PCDHGB3: variants seen among roughly 807,000 people sequenced by gnomAD.
PCDHGB3 encodes the protein protocadherin gamma subfamily B, 3.
Under a neutral mutation model 59.2 loss-of-function variants are expected in PCDHGB3, and 40 were observed. The observed-to-expected ratio is 0.68, with a 90% CI of 0.52 to 0.88. The LOEUF (loss-of-function observed/expected upper bound fraction) is 0.88. PCDHGB3 is among the 40% of genes least tolerant of loss of function. The probability of loss-of-function intolerance (pLI) is 0.00; values close to 1 mark genes in which losing one functional copy is unlikely to be tolerated. For synonymous variants in PCDHGB3, 581 were observed against 503.6 expected, an observed-to-expected ratio of 1.15 and a Z score of -2.06; for missense variants, 1,309 against 1,187.9, an observed-to-expected ratio of 1.10 and a Z score of -1.50.
chr5:141,484,236 G>C (rs1272971014), intron 1 of PCDHGB3, among the ~76,000 whole-genome samples: 2 of 152,132 alleles, frequency 1.3e-5, no homozygotes, highest in Non-Finnish European at 2.9e-5. Context: ...AAGAGATCTG[G>C]TCCTTAGCAC....
intron 1 of PCDHGB3, chr5:141,478,790 C>T: frequency 6.8e-7 from 1 of 1,472,906 alleles, no homozygotes. Flanking sequence ...AATTCACATC[C>T]TCAGCACTCT....
At position 141,489,157 on chromosome 5, in the gene PCDHGB3, C is replaced by A. The variant is rs1222682069; in HGVS notation, c.2416-5650C>A. 1.0e-6 allele frequency: 1 copy of A among 984,444 alleles called. No homozygotes were observed. The highest frequency in any genetic ancestry group is 1.6e-5 in the African/African-American group (1 of 61,296). The allele number at this position is 984,444 out of a possible 1,614,324, so 61.0% of individuals were successfully genotyped here. On this transcript the variant is annotated intron_variant, in intron 1 of 3. Coordinates refer to ENST00000576222, the MANE Select transcript of PCDHGB3 (RefSeq NM_018924.5). This position sits in a 1 kb window ranked among gnomAD's most constrained non-coding sequence, Gnocchi z 4.5. ...AGAGGCTGGAAGGAGACATAAGAGA[C>A]TTCAGCTGCTGCATTCCAAGCCCTG...
chr5:141,503,960 T>TTC (rs2099834474), intron 2 of PCDHGB3, among the ~76,000 whole-genome samples: 1 of 152,172 alleles, frequency 6.6e-6, no homozygotes, highest in Admixed American at 6.5e-5. Flanking sequence ...CCTACAGCCT[T>TTC]TCCCATGGTG....
chr5:141,397,200 G>A (rs2093487150), intron 1 of PCDHGB3, among the ~76,000 whole-genome samples: 1 of 152,154 alleles, frequency 6.6e-6, no homozygotes, highest in Non-Finnish European at 1.5e-5. Context: ...TAAAAGATAT[G>A]ACATAAGAGA....
chr5:141,415,007 G>C, intron 1 of PCDHGB3: 1 of 1,613,654 alleles, frequency 6.2e-7, no homozygotes, highest in Non-Finnish European at 8.5e-7. Context: ...CTGTCCTACC[G>C]TCTGCTCAAG....
In PCDHGB3 at chr5:141,498,823, C is replaced by A. The variant is rs540865523; in HGVS notation, c.2474+3958C>A. ...TGGTGCACACCTGTAGTCCCAGCTA[C>A]TCAGGAGGCTGAGGCAGGGGAATCG... On this transcript the variant is annotated intron_variant, in intron 2 of 3. Coordinates refer to ENST00000576222, the MANE Select transcript of PCDHGB3 (RefSeq NM_018924.5). Among the ~76,000 whole-genome samples the A allele has an allele frequency of 9.2e-5, 14 of 152,166 alleles. No homozygotes were observed. The East Asian group carries it at 1.5e-3, about 17-fold the overall frequency.
At chr5:141,421,699 G>T (rs751572007) in intron 1 of PCDHGB3, 1 of 1,613,928 alleles carries the variant, frequency 6.2e-7, no homozygotes, top group Admixed American at 1.7e-5. Flanking sequence ...TCTTCCTAAT[G>T]CTAGGGATCC....
At chr5:141,467,565 C>A (rs2154569547) in intron 1 of PCDHGB3, among the ~76,000 whole-genome samples, 1 of 152,302 alleles carries the variant, frequency 6.6e-6, no homozygotes, top group East Asian at 1.9e-4. Context: ...TCCCAAATGG[C>A]TATCCAGTTG....
chr5:141,433,914 C>A (rs2097664630), intron 1 of PCDHGB3, among the ~76,000 whole-genome samples: 1 of 151,702 alleles, frequency 6.6e-6, no homozygotes, highest in Admixed American at 6.6e-5. Context: ...TTACAATCAC[C>A]TCCAAATGAA....
rs761938460 is a variant in PCDHGB3 at position 141,393,330 on chromosome 5, AG to A, written c.2415+20522del. On this transcript the variant is annotated intron_variant, in intron 1 of 3. Coordinates refer to ENST00000576222, the MANE Select transcript of PCDHGB3 (RefSeq NM_018924.5). The stretch of plus-strand genomic sequence containing the variant: ...GAACTCCCTCCAGAGCTACCAGCTC[AG>A]CCCCAATCACCACTTCTCCCTGGAC... The A allele has an allele frequency of 3.7e-6, 6 of 1,611,072 alleles. No individual in the cohort carries two copies. In the African/African-American group the frequency reaches 6.8e-5, roughly 18 times the overall value.
At chr5:141,478,127 C>A (rs1323163663) in intron 1 of PCDHGB3, 1 of 1,614,106 alleles carries the variant, frequency 6.2e-7, no homozygotes, top group South Asian at 1.1e-5. Flanking sequence ...CGAGGACTCT[C>A]CTGAAGCCCG....
chr5:141,389,286 T>C, intron 1 of PCDHGB3: 1 of 1,614,018 alleles, frequency 6.2e-7, no homozygotes, highest in Non-Finnish European at 8.5e-7. Context: ...GCCTGGAGCC[T>C]CTATTTCACA....
At position 141,408,901 on chromosome 5, in the gene PCDHGB3, G is replaced by A. The variant is rs529239605; in HGVS notation, c.2415+36092G>A. On this transcript the variant is annotated intron_variant, in intron 1 of 3. Transcript: ENST00000576222. ...CCGCTCACATAGAAATTTCTGTCAA[G>A]GATACCAATGATAACCCCCCGGTTT... 269 of 1,613,216 alleles carry A rather than the reference G, an allele frequency of 1.7e-4. 6 individuals carry two copies. The South Asian group carries it at 2.8e-3, about 17-fold the overall frequency.
chr5:141,484,944 AG>A (rs1354711871), intron 1 of PCDHGB3: 1 of 546,450 alleles, frequency 1.8e-6, no homozygotes, highest in Non-Finnish European at 3.3e-6. Context: ...TTCTCTGCTC[AG>A]CCTATTGGCT....
intron 1 of PCDHGB3, among the ~76,000 whole-genome samples, chr5:141,461,644 A>C (rs1266858748): frequency 1.3e-5 from 2 of 151,868 alleles, no homozygotes; most frequent in Non-Finnish European, 2.9e-5. Flanking sequence ...TTCTTCTTTG[A>C]CCCATGGATT....
At chr5:141,502,001 C>T (rs2099812274) in intron 2 of PCDHGB3, among the ~76,000 whole-genome samples, 2 of 152,106 alleles carry the variant, frequency 1.3e-5, no homozygotes, top group Admixed American at 1.3e-4. Flanking sequence ...CCCTGACAAC[C>T]CGCATGCTCT....
rs147506725 is a variant in PCDHGB3, at chr5:141,442,240, G to A, written c.2416-52567G>A. Reference sequence around the variant, plus strand: ...CTTTAATTTCCTTTTTATTCTTCCTGATTGCATTGTTTGTGCTGGTTTTAA... The same window carrying A: ...CTTTAATTTCCTTTTTATTCTTCCTAATTGCATTGTTTGTGCTGGTTTTAA... On this transcript the variant is annotated intron_variant, in intron 1 of 3. Transcript: ENST00000576222. 1,291 of 153,334 alleles carry A rather than the reference G, an allele frequency of 8.4e-3. 26 individuals carry two copies. The highest frequency in any genetic ancestry group is 0.029 in the African/African-American group (1,208 of 41,552). 9.5% of individuals were successfully genotyped at this position (153,334 alleles called of 1,614,324 possible).
At chr5:141,413,417 T>C in intron 1 of PCDHGB3, 18 of 1,614,086 alleles carry the variant, frequency 1.1e-5, no homozygotes, top group Non-Finnish European at 1.5e-5. Context: ...CTTTTCTCTC[T>C]GAACCCGCGC....
In PCDHGB3 at chr5:141,371,365, G is replaced by T; in HGVS notation, c.971G>T (p.Gly324Val). The part of the protein sequence containing the change: ...SYTIGVEAKD[G>V]GHHTAYCKVQ... ...ACAATTGGGGTGGAAGCAAAGGATG[G>T]TGGACATCACACTGCATATTGTAAA... Residue 324 changes from glycine to valine, a missense_variant, in exon 1 of 4, where the codon GGT (glycine) becomes GTT (valine). Transcript: ENST00000576222. The T allele has an allele frequency of 6.2e-7, 1 of 1,614,006 alleles. No homozygotes were observed. The highest frequency in any genetic ancestry group is 1.1e-5 in the South Asian group (1 of 91,086).
Sources: allele counts gnomAD v4.1 joint callset (sites outside exome capture counted in the v4.1 genomes callset), GRCh38; gene constraint gnomAD v4.1.1; non-coding constraint Gnocchi (gnomAD v3.1); transcripts MANE v1.5; gene names NCBI Gene and HGNC (gene_info 2026-07-23, HGNC 2026-07-21).